Variants in ZC3H12C observed in about 807,000 individuals in gnomAD.
The protein encoded by ZC3H12C is probable ribonuclease ZC3H12C.
ZC3H12C carries 20 observed loss-of-function variants against 76.3 expected under a neutral mutation model. The ratio of observed to expected loss-of-function variants is 0.26; its 90% CI spans 0.18 to 0.38. The LOEUF (loss-of-function observed/expected upper bound fraction) is 0.38. Among genes scored for constraint, ZC3H12C ranks in the 10% least tolerant of loss-of-function variants. ZC3H12C has a pLI of 1.00. For synonymous variants in ZC3H12C, 352 were observed against 399.6 expected, an observed-to-expected ratio of 0.88 and a Z score of 1.42; for missense variants, 874 against 1,086.5, an observed-to-expected ratio of 0.80 and a Z score of 2.75.
At chr11:110,107,861 C>G (rs1861359574) in intron 1 of ZC3H12C, among the ~76,000 whole-genome samples, 1 of 151,796 alleles carries the variant, frequency 6.6e-6, no homozygotes. Flanking sequence ...CAAGGTTTTG[C>G]CATGTTGCCC....
At chr11:110,153,101 A>G in intron 3 of ZC3H12C, 43 bp downstream of exon 3, 1 of 1,593,102 alleles carries the variant, frequency 6.3e-7, no homozygotes, top group Non-Finnish European at 8.5e-7. Context: ...GCTTTCCTAT[A>G]ATAACCATGC....
intron 1 of ZC3H12C, among the ~76,000 whole-genome samples, chr11:110,117,151 T>C (rs1180480433): frequency 2.0e-5 from 3 of 152,150 alleles, no homozygotes; most frequent in Admixed American, 6.5e-5. Context: ...ATCAACAAAA[T>C]AGTGGTGGCT....
chr11:110,125,366 G>C (rs1861724257), intron 1 of ZC3H12C, among the ~76,000 whole-genome samples: 1 of 151,534 alleles, frequency 6.6e-6, no homozygotes, highest in Non-Finnish European at 1.5e-5. Flanking sequence ...CTGTCATACA[G>C]GCTGGAGTGC....
At chr11:110,105,841 TATG>T (rs1042033460) in intron 1 of ZC3H12C, among the ~76,000 whole-genome samples, 5 of 152,344 alleles carry the variant, frequency 3.3e-5, no homozygotes, top group East Asian at 1.9e-4. Flanking sequence ...GTAATTTAAT[TATG>T]ATATTTATTA....
chr11:110,165,821 C>A lies in ZC3H12C; in HGVS notation c.*84C>A. 7.7e-7 allele frequency: 1 copy of A among 1,292,712 alleles called. No individual in the cohort carries two copies. The highest frequency in any genetic ancestry group is 1.1e-6 in the Non-Finnish European group (1 of 950,900). 80.1% of individuals were successfully genotyped at this position (1,292,712 alleles called of 1,614,324 possible). On this transcript the variant is annotated 3_prime_UTR_variant, in exon 6 of 6. Transcript: ENST00000278590. ...GGTTTGCTACAATAGCACATGTGATCTCCTTCTCAGCAAGGAGGTTATATA... is the reference window on the plus strand; with the variant it reads ...GGTTTGCTACAATAGCACATGTGATATCCTTCTCAGCAAGGAGGTTATATA...
chr11:110,154,834 T>TAAAAAAAAAAA (rs5794671), intron 3 of ZC3H12C, among the ~76,000 whole-genome samples: 1 of 69,832 alleles, frequency 1.4e-5, no homozygotes, highest in Non-Finnish European at 2.6e-5. Flanking sequence ...ACAGCTTGAT[T>TAAAAAAAAAAA]AAAAAAAAAA....
chr11:110,161,801 A>G (rs2134199627), intron 4 of ZC3H12C, among the ~76,000 whole-genome samples: 1 of 152,354 alleles, frequency 6.6e-6, no homozygotes, highest in South Asian at 2.1e-4. Context: ...TACATCTCCT[A>G]CTGGAATATT....
intron 4 of ZC3H12C, among the ~76,000 whole-genome samples, chr11:110,161,952 G>A (rs192191821): frequency 3.9e-5 from 6 of 152,266 alleles, no homozygotes; most frequent in South Asian, 2.1e-4. Context: ...CCAACATGGC[G>A]AAACCCCGTC....
At chr11:110,131,193 C>A (rs1861859361) in intron 1 of ZC3H12C, 1 of 1,021,754 alleles carries the variant, frequency 9.8e-7, no homozygotes, top group Middle Eastern at 2.0e-4. Context: ...AAAGAAATCA[C>A]CTCCAATGAA....
At position 110,165,562 on chromosome 11, in the gene ZC3H12C, G is replaced by T; in HGVS notation, c.2477G>T (p.Gly826Val). 6.2e-7 allele frequency: 1 copy of T among 1,613,184 alleles called. No homozygotes were observed. The highest frequency in any genetic ancestry group is 2.2e-5 in the East Asian group (1 of 44,870). ...CCAGCCTGGCGGATCCCATACTGTG[G>T]AATGCCGCAAGATCCCCCGAGGTAT... Reference protein sequence around the residue: ...QEPAWRIPYCGMPQDPPRYQD... With the variant: ...QEPAWRIPYCVMPQDPPRYQD... The change falls in exon 6 of 6, where the codon GGA becomes GTA. Residue 826 changes from glycine to valine, a missense_variant. Physicochemically the swap from Gly to Val is moderately radical, Grantham distance 109. Around this residue, in one of 3 missense-constraint regions of ZC3H12C, gnomAD observed 395 missense variants for 434.4 expected, o/e 0.91. Coordinates refer to ENST00000278590, the MANE Select transcript of ZC3H12C (RefSeq NM_033390.2).
chr11:110,166,318 A>G lies in ZC3H12C; in HGVS notation c.*581A>G, dbSNP rs1303937518. 6.6e-6 allele frequency: 1 copy of G among 152,410 alleles called. No individual in the cohort carries two copies. Among genetic ancestry groups the G allele is most frequent in the Non-Finnish European group, 1.5e-5 (1 of 68,218 alleles). 9.4% of individuals were successfully genotyped at this position (152,410 alleles called of 1,614,324 possible). A position where few individuals can be genotyped will look rare whatever the true frequency, so the allele number is the denominator to read the frequency against. On this transcript the variant is annotated 3_prime_UTR_variant, in exon 6 of 6. Coordinates refer to ENST00000278590, the MANE Select transcript of ZC3H12C (RefSeq NM_033390.2). ...TTATATTTTAAACAGAATGTAAGTT[A>G]CCAGTTTTATGTTGAAATGTGTTAC...
rs976321239 is a variant in ZC3H12C, at chr11:110,168,767, TA to T, written c.*3031del. 6.6e-6 allele frequency: 1 copy of T among 152,198 alleles called. No homozygotes were observed. Among genetic ancestry groups the T allele is most frequent in the Non-Finnish European group, 1.5e-5 (1 of 68,004 alleles). The allele number at this position is 152,198 out of a possible 1,614,324, so 9.4% of individuals were successfully genotyped here. A position where few individuals can be genotyped will look rare whatever the true frequency, so the allele number is the denominator to read the frequency against. ...ATACAGACGTTTTCAGTCTTGTTTT[TA>T]TGATCTCTCTCTATATCCTGATAAG... is the stretch of plus-strand genomic sequence containing the variant. On this transcript the variant is annotated 3_prime_UTR_variant, in exon 6 of 6. Coordinates refer to ENST00000278590, the MANE Select transcript of ZC3H12C (RefSeq NM_033390.2).
chr11:110,162,035 G>A (rs534414159), intron 4 of ZC3H12C, among the ~76,000 whole-genome samples: 24 of 152,324 alleles, frequency 1.6e-4, no homozygotes, highest in African/African-American at 5.8e-4. Context: ...TTGGGAGGCT[G>A]AGGCAGGAGA....
intron 1 of ZC3H12C, among the ~76,000 whole-genome samples, chr11:110,129,427 G>C (rs1444082506): frequency 6.6e-6 from 1 of 152,112 alleles, no homozygotes; most frequent in Non-Finnish European, 1.5e-5. Context: ...GATCTCATTT[G>C]CATTTGAGTA....
chr11:110,112,486 C>G (rs1183065411), intron 1 of ZC3H12C, among the ~76,000 whole-genome samples: 1 of 152,154 alleles, frequency 6.6e-6, no homozygotes, highest in Non-Finnish European at 1.5e-5. Flanking sequence ...CCACCACACC[C>G]GATCCCTTTT....
intron 1 of ZC3H12C, among the ~76,000 whole-genome samples, chr11:110,121,635 T>C (rs986128013): frequency 3.9e-5 from 6 of 152,174 alleles, no homozygotes; most frequent in African/African-American, 1.4e-4. Flanking sequence ...AGCAGCACAC[T>C]TGTCTAAAAT....
intron 1 of ZC3H12C, among the ~76,000 whole-genome samples, chr11:110,095,992 C>A (rs1265400067): frequency 3.3e-5 from 5 of 152,110 alleles, no homozygotes; most frequent in Admixed American, 3.3e-4. Context: ...GGAGTTTGAT[C>A]GTAAATCTAC....
intron 3 of ZC3H12C, among the ~76,000 whole-genome samples, chr11:110,154,199 C>G (rs919345294): frequency 3.3e-5 from 5 of 152,062 alleles, no homozygotes; most frequent in African/African-American, 1.2e-4. Context: ...TGGTGAAACT[C>G]TGTTTCTACC....
At chr11:110,149,551 C>T (rs1285758651) in intron 2 of ZC3H12C, among the ~76,000 whole-genome samples, 3 of 152,220 alleles carry the variant, frequency 2.0e-5, no homozygotes. Context: ...TTCACACATT[C>T]TTGGCAACAT....
Sources: gnomAD v4.1 joint callset for allele counts (sites outside exome capture counted in the v4.1 genomes callset) on GRCh38, gnomAD v4.1.1 for gene constraint, gnomAD v4.1.1 regional missense constraint, MANE v1.5 for transcripts, NCBI Gene and HGNC (gene_info 2026-07-23, HGNC 2026-07-21) for gene names.